The following PATJ variants were observed in gnomAD, a reference collection of about 807,000 sequenced individuals.
PATJ encodes the protein inaD-like protein.
Under a neutral mutation model 224.9 loss-of-function variants are expected in PATJ, and 190 were observed. That is an observed-to-expected ratio of 0.84 (90% confidence interval 0.75 to 0.95). The LOEUF is 0.95. PATJ is among the 40% of genes least tolerant of loss of function. The pLI is 0.00. For synonymous variants in PATJ, 769 were observed against 820.3 expected, an observed-to-expected ratio of 0.94 and a Z score of 1.07; for missense variants, 2,121 against 2,270.3, an observed-to-expected ratio of 0.93 and a Z score of 1.34.
intron 31 of PATJ, chr1:62,072,389 G>A (rs942562171): frequency 1.3e-5 from 2 of 152,014 alleles, no homozygotes; most frequent in East Asian, 1.9e-4. Context: ...GTTTTATAGG[G>A]ATATTAGTGT....
At chr1:61,813,369 A>ATC (rs1655321767) in intron 14 of PATJ, among the ~76,000 whole-genome samples, 1 of 45,274 alleles carries the variant, frequency 2.2e-5, no homozygotes, top group South Asian at 7.1e-4. Flanking sequence ...ATATATATAT[A>ATC]TATATATATA....
chr1:61,881,241 G>A (rs1183186737), intron 21 of PATJ, among the ~76,000 whole-genome samples: 1 of 152,074 alleles, frequency 6.6e-6, no homozygotes, highest in African/African-American at 2.4e-5. Context: ...GCTCAGTGCA[G>A]AGTGAAGAAT....
chr1:61,748,004 C>G (rs1645109965), intron 1 of PATJ, among the ~76,000 whole-genome samples: 1 of 152,114 alleles, frequency 6.6e-6, no homozygotes, highest in Non-Finnish European at 1.5e-5. Context: ...CCTCAGTCTC[C>G]CAAGTAGCTG....
chr1:61,775,094 C>G (rs1403556411), intron 6 of PATJ, 112 bp from the exon 7 acceptor site: 24 of 1,087,726 alleles, frequency 2.2e-5, no homozygotes, highest in Non-Finnish European at 3.1e-5. Context: ...TGATTAATTG[C>G]ATGAATGTTC....
chr1:62,112,167 A>G (rs573150842), intron 34 of PATJ, among the ~76,000 whole-genome samples: 1 of 152,194 alleles, frequency 6.6e-6, no homozygotes, highest in East Asian at 1.9e-4. Context: ...TCCCGTAACC[A>G]TTCTTTATGC....
intron 22 of PATJ, among the ~76,000 whole-genome samples, chr1:61,896,746 G>A (rs1269005501): frequency 1.3e-5 from 2 of 152,138 alleles, no homozygotes; most frequent in African/African-American, 4.8e-5. Flanking sequence ...GTTTTCACAT[G>A]TTGTTCTCAT....
intron 29 of PATJ, among the ~76,000 whole-genome samples, chr1:62,036,111 T>C (rs58174444): frequency 0.022 from 3,363 of 152,206 alleles, 113 homozygotes; most frequent in African/African-American, 0.077. Flanking sequence ...TCGACTTTGC[T>C]CTTGATCCTA....
intron 41 of PATJ, among the ~76,000 whole-genome samples, 164 bp from the exon 42 acceptor site, chr1:62,148,120 T>TAAAAAA (rs1558235712): frequency 0.017 from 1,821 of 108,300 alleles, 143 homozygotes; most frequent in African/African-American, 0.057. Context: ...GACACTGTCT[T>TAAAAAA]TAAAAAAAAA....
intron 11 of PATJ, among the ~76,000 whole-genome samples, chr1:61,798,111 T>C (rs1162309081): frequency 6.6e-6 from 1 of 152,224 alleles, no homozygotes; most frequent in Admixed American, 6.5e-5. Flanking sequence ...CAGCCAGGTT[T>C]CCTATTACTT....
intron 28 of PATJ, among the ~76,000 whole-genome samples, chr1:62,016,656 T>A (rs1646785931): frequency 6.6e-6 from 1 of 152,202 alleles, no homozygotes; most frequent in African/African-American, 2.4e-5. Flanking sequence ...TTAAATGTTG[T>A]TTAGGTCATC....
chr1:61,887,054 T>A (rs1349264198), intron 22 of PATJ, among the ~76,000 whole-genome samples: 1 of 151,718 alleles, frequency 6.6e-6, no homozygotes, highest in African/African-American at 2.4e-5. Flanking sequence ...TATATATATG[T>A]GTATATATAT....
intron 1 of PATJ, among the ~76,000 whole-genome samples, chr1:61,758,652 G>A (rs1173919438): frequency 6.6e-6 from 1 of 152,134 alleles, no homozygotes; most frequent in Non-Finnish European, 1.5e-5. Context: ...CGGCCCTACT[G>A]TAGTTCTTAA....
intron 9 of PATJ, among the ~76,000 whole-genome samples, chr1:61,794,445 T>A (rs1040665211): frequency 6.6e-6 from 1 of 152,106 alleles, no homozygotes; most frequent in East Asian, 1.9e-4. Flanking sequence ...ACACCTGGCC[T>A]ACAAACAATG....
intron 32 of PATJ, among the ~76,000 whole-genome samples, chr1:62,083,176 G>A (rs1051839527): frequency 6.6e-6 from 1 of 152,208 alleles, no homozygotes; most frequent in African/African-American, 2.4e-5. Context: ...GGCCAGGCTA[G>A]AGTGCAATGG....
chr1:61,821,071 C>CG (rs1056101382), intron 14 of PATJ, among the ~76,000 whole-genome samples: 3 of 149,808 alleles, frequency 2.0e-5, no homozygotes, highest in Admixed American at 6.6e-5. Flanking sequence ...GGCTGAGTCT[C>CG]GCTCTGTCGC....
chr1:61,952,234 C>T, intron 27 of PATJ: 1 of 460,688 alleles, frequency 2.2e-6, no homozygotes, highest in Non-Finnish European at 3.8e-6. Context: ...GACAGGTTGC[C>T]CTTAAAGAGA....
intron 38 of PATJ, among the ~76,000 whole-genome samples, chr1:62,122,613 T>C (rs1045914208): frequency 6.6e-6 from 1 of 152,002 alleles, no homozygotes; most frequent in South Asian, 2.1e-4. Flanking sequence ...TCACTTGAGG[T>C]CGAGAGTTTG....
At chr1:61,883,547 C>T (rs1024874502) in intron 21 of PATJ, among the ~76,000 whole-genome samples, 19 of 151,962 alleles carry the variant, frequency 1.3e-4, no homozygotes, top group East Asian at 3.9e-4. Flanking sequence ...GTCAGGAGTT[C>T]GAGACCAGCC....
chr1:62,157,962 A>T (rs1669417170), intron 43 of PATJ, among the ~76,000 whole-genome samples: 3 of 149,192 alleles, frequency 2.0e-5, no homozygotes. Flanking sequence ...TTTCAGGAGC[A>T]GTTTTTCAGA....
Sources: allele counts gnomAD v4.1 joint callset (sites outside exome capture counted in the v4.1 genomes callset), GRCh38; gene constraint gnomAD v4.1.1; transcripts MANE v1.5; gene names NCBI Gene and HGNC (gene_info 2026-07-23, HGNC 2026-07-21).